Variants in VPS13A observed in about 807,000 individuals in gnomAD.
VPS13A encodes the protein intermembrane lipid transfer protein VPS13A.
Under a neutral mutation model 390.9 loss-of-function variants are expected in VPS13A, and 264 were observed. The observed-to-expected ratio is 0.68, with a 90% CI of 0.61 to 0.75. VPS13A has a LOEUF of 0.75. Ranked by LOEUF, VPS13A falls within the 30% of genes least tolerant of loss-of-function variation. The probability of loss-of-function intolerance (pLI) is 0.00; values close to 1 mark genes in which losing one functional copy is unlikely to be tolerated. For missense variants in VPS13A, 3,409 were observed against 3,733.9 expected, an observed-to-expected ratio of 0.91 and a Z score of 2.27; for synonymous variants, 1,231 against 1,227.1, an observed-to-expected ratio of 1.00 and a Z score of -0.07.
Position 77,347,535 on chromosome 9 carries a change from G to C in VPS13A, c.7289+2393G>C, listed in dbSNP as rs562013069. 7.2e-5 allele frequency among the ~76,000 whole-genome samples: 11 copies of C among 152,128 alleles called. No homozygotes were observed. The South Asian group carries it at 2.3e-3, about 32-fold the overall frequency. On this transcript the variant is annotated intron_variant, in intron 52 of 71. Transcript: ENST00000360280. ...TCTGTTGCCCAGGCTGGAGTGCAGT[G>C]GTGCGATCCAGGCTCACTGCAGCCT... is the stretch of plus-strand genomic sequence containing the variant.
intron 67 of VPS13A, among the ~76,000 whole-genome samples, chr9:77,377,211 T>TG (rs1833136285): frequency 2.7e-5 from 3 of 111,916 alleles, no homozygotes; most frequent in Admixed American, 8.7e-5. Flanking sequence ...CTGTTTTTTT[T>TG]TTTTTTTTTT....
At position 77,283,410 on chromosome 9, in the gene VPS13A, A is replaced by G. The variant is rs1471355473; in HGVS notation, c.3174A>G (p.Leu1058=). The G allele has an allele frequency of 2.5e-6, 4 of 1,609,044 alleles. No homozygotes were observed. The highest frequency in any genetic ancestry group is 1.7e-6 in the Non-Finnish European group (2 of 1,175,942). ...DIITLQILAE[L]SCLQIFIQDQ... ...TTACTTTGCAGATTTTAGCAGAATT[A>G]TCGTGTTTACAGATCTTTATTCAAG... The change falls in exon 30 of 72, where the codon TTA becomes TTG. Residue 1058 remains leucine (L), a synonymous_variant. Transcript: ENST00000360280.
chr9:77,237,938 TC>T, intron 17 of VPS13A, 63 bp from the exon 18 acceptor site: 1 of 1,293,732 alleles, frequency 7.7e-7, no homozygotes, highest in Non-Finnish European at 1.1e-6. Flanking sequence ...TAAATCATTT[TC>T]AATTTTTAAA....
chr9:77,398,618 G>A (rs1313026991), intron 68 of VPS13A, among the ~76,000 whole-genome samples: 1 of 152,092 alleles, frequency 6.6e-6, no homozygotes, highest in Non-Finnish European at 1.5e-5. Context: ...ACTACAACGT[G>A]ACATTTGTAG....
At position 77,274,599 on chromosome 9, in the gene VPS13A, A is replaced by G. The variant is rs113848752; in HGVS notation, c.2513-899A>G. ...TTAAAACATTTTTAAAAATATAATTATTAAAGGAAAATCATCAATAATTAT... is the reference window on the plus strand; with the variant it reads ...TTAAAACATTTTTAAAAATATAATTGTTAAAGGAAAATCATCAATAATTAT... On this transcript the variant is annotated intron_variant, in intron 24 of 71. Transcript: ENST00000360280. Among the ~76,000 whole-genome samples, 1,199 of 152,144 alleles carry G rather than the reference A, an allele frequency of 7.9e-3. 17 individuals are homozygous for G. The highest frequency in any genetic ancestry group is 0.027 in the African/African-American group (1,125 of 41,542).
At chr9:77,294,185 C>T (rs979275785) in intron 32 of VPS13A, among the ~76,000 whole-genome samples, 4 of 152,036 alleles carry the variant, frequency 2.6e-5, no homozygotes, top group Non-Finnish European at 4.4e-5. Context: ...CCTCCCAAAG[C>T]GCTGAGATTA....
intron 68 of VPS13A, among the ~76,000 whole-genome samples, chr9:77,399,181 TAAAAAAAA>T (rs1223344360): frequency 8.6e-5 from 3 of 35,002 alleles, no homozygotes; most frequent in Non-Finnish European, 1.2e-4. Context: ...AAAAAAAAAA[TAAAAAAAA>T]AAAAAAAAAA....
At chr9:77,260,481 G>A (rs1825696354) in intron 23 of VPS13A, among the ~76,000 whole-genome samples, 1 of 148,714 alleles carries the variant, frequency 6.7e-6, no homozygotes, top group South Asian at 2.2e-4. Context: ...TCAGCCTCCC[G>A]AGTATCTGGG....
intron 25 of VPS13A, 76 bp downstream of exon 25, chr9:77,275,728 T>C: frequency 1.3e-6 from 2 of 1,483,720 alleles, no homozygotes; most frequent in Non-Finnish European, 1.9e-6. Flanking sequence ...TATAGTCTCA[T>C]TGTTAAGAAG....
chr9:77,384,777 A>G, intron 68 of VPS13A: 1 of 1,515,040 alleles, frequency 6.6e-7, no homozygotes, highest in Non-Finnish European at 8.8e-7. Context: ...ATAGGGAGGT[A>G]AAACACATTT....
At chr9:77,383,302 T>C (rs1221286337) in intron 68 of VPS13A, among the ~76,000 whole-genome samples, 1 of 152,060 alleles carries the variant, frequency 6.6e-6, no homozygotes, top group Non-Finnish European at 1.5e-5. Context: ...AGCATCAAAA[T>C]CATTGTATAT....
At chr9:77,307,695 C>T (rs1319976387) in intron 34 of VPS13A, among the ~76,000 whole-genome samples, 1 of 152,098 alleles carries the variant, frequency 6.6e-6, no homozygotes, top group Non-Finnish European at 1.5e-5. Flanking sequence ...TTATTTGGTA[C>T]ATTAATAACA....
At chr9:77,288,073 T>C (rs956084966) in intron 31 of VPS13A, among the ~76,000 whole-genome samples, 3 of 152,224 alleles carry the variant, frequency 2.0e-5, no homozygotes, top group Admixed American at 6.5e-5. Context: ...ATCACTGCAC[T>C]GTTTTTCGTT....
chr9:77,258,326 A>C (rs1455118459), intron 22 of VPS13A, among the ~76,000 whole-genome samples: 1 of 152,188 alleles, frequency 6.6e-6, no homozygotes, highest in Admixed American at 6.5e-5. Flanking sequence ...TACTAGGAAG[A>C]ATAGAGGGAA....
chr9:77,339,494 G>GTTTTTTTTTTTTT, intron 47 of VPS13A, 22 bp from the exon 48 acceptor site: 4 of 1,343,316 alleles, frequency 3.0e-6, no homozygotes, highest in African/African-American at 1.7e-5. Context: ...ATTTTGTTTT[G>GTTTTTTTTTTTTT]TTTTTTTTTT....
chr9:77,373,846 CAAAA>C, intron 67 of VPS13A, among the ~76,000 whole-genome samples: 1 of 152,038 alleles, frequency 6.6e-6, no homozygotes, highest in Non-Finnish European at 1.5e-5. Context: ...AGACACTTCT[CAAAA>C]GAAGACATTT....
chr9:77,300,993 A>G (rs1024387882), intron 33 of VPS13A, among the ~76,000 whole-genome samples: 59 of 152,372 alleles, frequency 3.9e-4, no homozygotes, highest in African/African-American at 1.3e-3. Context: ...TAAACTATTA[A>G]AATGCAATAT....
intron 1 of VPS13A, among the ~76,000 whole-genome samples, chr9:77,183,158 C>T (rs1025872546): frequency 6.6e-6 from 1 of 152,166 alleles, no homozygotes; most frequent in Non-Finnish European, 1.5e-5. Context: ...TACAGTGCCT[C>T]TCCATATACC....
chr9:77,340,228 T>C lies in VPS13A; in HGVS notation c.6825T>C (p.Asp2275=). Reference sequence around the variant, plus strand: ...AGTTGTCCAATCAGTTTTCAATTGATACTGTTGGTAGTCATGGAGCTGTTA... The same window carrying C: ...AGTTGTCCAATCAGTTTTCAATTGACACTGTTGGTAGTCATGGAGCTGTTA... ...DSELSNQFSI[D]TVGSHGAVKC... is the part of the protein sequence containing the mutation. The change falls in exon 49 of 72, where the codon GAT becomes GAC. Residue 2275 remains aspartate (D), a synonymous_variant. Transcript: ENST00000360280. 3 of 1,613,396 alleles carry C rather than the reference T, an allele frequency of 1.9e-6. No homozygotes were observed. The highest frequency in any genetic ancestry group is 1.3e-5 in the African/African-American group (1 of 75,028).
Sources: allele counts gnomAD v4.1 joint callset (sites outside exome capture counted in the v4.1 genomes callset), GRCh38; gene constraint gnomAD v4.1.1; transcripts MANE v1.5; gene names NCBI Gene and HGNC (gene_info 2026-07-23, HGNC 2026-07-21).